Variants in SBF1 observed in about 807,000 individuals in gnomAD.
SBF1 encodes the protein myotubularin-related protein 5.
A neutral mutation model predicts 215.8 loss-of-function variants in SBF1; 65 were observed. The ratio of observed to expected loss-of-function variants is 0.30; its 90% CI spans 0.25 to 0.37. SBF1 has a LOEUF of 0.37. Ranked by LOEUF, SBF1 falls within the 10% of genes least tolerant of loss-of-function variation. SBF1 has a pLI of 1.00. For synonymous variants in SBF1, 1,410 were observed against 1,122.8 expected, an observed-to-expected ratio of 1.26 and a Z score of -5.11; for missense variants, 2,634 against 2,667.8, an observed-to-expected ratio of 0.99 and a Z score of 0.28.
chr22:50,456,758 G>A (rs2067269655), intron 29 of SBF1, 85 bp from the exon 30 acceptor site: 2 of 1,229,374 alleles, frequency 1.6e-6, no homozygotes, highest in African/African-American at 1.5e-5. Context: ...TCCAGGGAGG[G>A]GGCTGAGCTC....
At chr22:50,452,736 A>C (rs1045461508) in intron 36 of SBF1, among the ~76,000 whole-genome samples, 3 of 150,704 alleles carry the variant, frequency 2.0e-5, no homozygotes, top group Non-Finnish European at 4.4e-5. Flanking sequence ...AAAAAAAAAA[A>C]AAAAAAAAAA....
Position 50,448,329 on chromosome 22 carries a change from T to C in SBF1, c.5267A>G (p.Gln1756Arg), listed in dbSNP as rs2066914919. 6.2e-7 allele frequency: 1 copy of C among 1,613,808 alleles called. No homozygotes were observed. Among genetic ancestry groups the C allele is most frequent in the Non-Finnish European group, 8.5e-7 (1 of 1,180,032 alleles). ...STLSLSLDSDQSSGSTTSGSR... is the reference protein window; with the variant it reads ...STLSLSLDSDRSSGSTTSGSR... ...GCCGGATGTGGTTGAGCCACTACTC[T>C]GGTCGCTGTCCAGGCTGAGGCTCAG... The change falls in exon 38 of 41, where the codon CAG becomes CGG. Residue 1756 changes from glutamine to arginine, a missense_variant. Gln to Arg is a conservative substitution (Grantham distance 43). Coordinates refer to ENST00000380817, the MANE Select transcript of SBF1 (RefSeq NM_002972.4).
rs1265252405 is a variant in SBF1, at chr22:50,454,695, G to T, written c.4860C>A (p.Phe1620Leu). Residue 1620 changes from phenylalanine to leucine, a missense_variant, in exon 36 of 41, where the codon TTC becomes TTA. By Grantham distance (22) the Phe-to-Leu change is conservative. Coordinates refer to ENST00000380817, the MANE Select transcript of SBF1 (RefSeq NM_002972.4). ...CCTCGGCCAGCGTCTCCTCAGTGTA[G>T]AAGTCCCACACCTTCAGGTTGGACA... ...SNVSNLKVWD[F>L]YTEETLAEGP... is the part of the protein sequence containing the mutation. 2 of 1,570,286 alleles carry T rather than the reference G, an allele frequency of 1.3e-6. No individual in the cohort carries two copies. The highest frequency in any genetic ancestry group is 1.7e-6 in the Non-Finnish European group (2 of 1,159,686).
intron 36 of SBF1, 49 bp downstream of exon 36, chr22:50,454,463 C>T (rs372953489): frequency 3.8e-4 from 566 of 1,502,854 alleles, no homozygotes; most frequent in Non-Finnish European, 4.8e-4. Flanking sequence ...GGTGTCTGAG[C>T]GAGAGGAGGG....
chr22:50,474,952 C>G lies in SBF1; in HGVS notation c.-112G>C. The stretch of plus-strand genomic sequence containing the variant: ...GCCCTGGACCGCGCACCCCGGACAC[C>G]CCTGGTTCGCTCCGCGGCGGCGGCG... On this transcript the variant is annotated 5_prime_UTR_variant, in exon 1 of 41. Transcript: ENST00000380817. The G allele has an allele frequency of 1.5e-6, 1 of 684,264 alleles. No individual in the cohort carries two copies. Among genetic ancestry groups the G allele is most frequent in the South Asian group, 4.2e-5 (1 of 23,894 alleles). 42.4% of individuals were successfully genotyped at this position (684,264 alleles called of 1,614,324 possible). A position where few individuals can be genotyped will look rare whatever the true frequency, so the allele number is the denominator to read the frequency against.
intron 36 of SBF1, among the ~76,000 whole-genome samples, chr22:50,452,075 C>T (rs936805152): frequency 6.7e-6 from 1 of 149,334 alleles, no homozygotes. Flanking sequence ...GGATGACAGG[C>T]GTGAGCCGCT....
chr22:50,467,074 C>A lies in SBF1; in HGVS notation c.549+264G>T, dbSNP rs544443875. On this transcript the variant is annotated intron_variant, in intron 5 of 40. Coordinates refer to ENST00000380817, the MANE Select transcript of SBF1 (RefSeq NM_002972.4). ...ACCCAGGCACAGGGCAGGGAGCAGA[C>A]AAACAAGCTGACATCAACATCCAGA... is the stretch of plus-strand genomic sequence containing the variant. 1.2e-4 allele frequency: 72 copies of A among 587,776 alleles called. No individual in the cohort carries two copies. The African/African-American group carries it at 1.3e-3, about 10-fold the overall frequency. The allele number at this position is 587,776 out of a possible 1,614,324, so 36.4% of individuals were successfully genotyped here. A position where few individuals can be genotyped will look rare whatever the true frequency, so the allele number is the denominator to read the frequency against.
rs564904337 is a variant in SBF1 at position 50,448,672 on chromosome 22, A to G, written c.5044-22T>C. ...GCTCCTGGGGGAAGAATTAATGGCA[A>G]GTTTATTCAAAAGGAAATATCCAGA... On this transcript the variant is annotated intron_variant, in intron 36 of 40. Transcript: ENST00000380817. 135 of 1,562,656 alleles carry G rather than the reference A, an allele frequency of 8.6e-5. 1 individual carries two copies. The South Asian group carries it at 1.4e-3, about 17-fold the overall frequency.
chr22:50,450,869 A>C (rs2067017702), intron 36 of SBF1, among the ~76,000 whole-genome samples: 2 of 152,234 alleles, frequency 1.3e-5, no homozygotes, highest in Non-Finnish European at 2.9e-5. Flanking sequence ...GCACTTCGGG[A>C]GGCCGAGGAG....
At chr22:50,458,853 G>T (rs2067373607) in intron 28 of SBF1, among the ~76,000 whole-genome samples, 1 of 152,210 alleles carries the variant, frequency 6.6e-6, no homozygotes, top group African/African-American at 2.4e-5. Context: ...TGCAGGGAGG[G>T]TGGAGTGTGG....
chr22:50,472,997 C>A (rs1363805040), intron 1 of SBF1, among the ~76,000 whole-genome samples: 1 of 152,188 alleles, frequency 6.6e-6, no homozygotes, highest in East Asian at 1.9e-4. Context: ...GGGCTCCAGC[C>A]TTCTACCCTG....
At chr22:50,462,507 C>A (rs760701382) in intron 18 of SBF1, 34 bp from the exon 19 acceptor site, 1 of 1,611,462 alleles carries the variant, frequency 6.2e-7, no homozygotes, top group Non-Finnish European at 8.5e-7. Context: ...GCCGGGGCCA[C>A]GCTGCCCCAG....
At chr22:50,456,453 G>GGCCCCCCCCCCCCCCCCCC in intron 30 of SBF1, 39 bp downstream of exon 30, 6 of 1,520,006 alleles carry the variant, frequency 3.9e-6, no homozygotes, top group East Asian at 2.4e-5. Context: ...CCCCTGCCGA[G>GGCCCCCCCCCCCCCCCCCC]CCCCCACCCT....
chr22:50,463,218 G>T (rs568891802), intron 16 of SBF1, 65 bp downstream of exon 16: 1 of 1,590,262 alleles, frequency 6.3e-7, no homozygotes, highest in Non-Finnish European at 8.6e-7. Flanking sequence ...CACAGACCAG[G>T]GTCTGCCCGC....
chr22:50,464,562 C>T lies in SBF1; in HGVS notation c.1608G>A (p.Arg536=). The T allele has an allele frequency of 6.2e-7, 1 of 1,611,730 alleles. No homozygotes were observed. Among genetic ancestry groups the T allele is most frequent in the Non-Finnish European group, 8.5e-7 (1 of 1,179,344 alleles). The change falls in exon 14 of 41, where the codon AGG becomes AGA. Residue 536 remains arginine (R), a synonymous_variant. Coordinates refer to ENST00000380817, the MANE Select transcript of SBF1 (RefSeq NM_002972.4). ...GAPPAVKAER[R]TTVPSGPPMT... ...TGGGGGGCCCTGAGGGCACGGTGGT[C>T]CTCCTCTCGGCCTTCACAGCTGGGG... is the stretch of plus-strand genomic sequence containing the variant.
rs757020318 is a variant in SBF1 at position 50,466,258 on chromosome 22, G to A, written c.789C>T (p.Ser263=). Reference sequence around the variant, plus strand: ...CCGGCAGGATGGGCACATAGGTGAAGCTGTGCAGGCCCCAGAGGATGCAGT... The same window carrying A: ...CCGGCAGGATGGGCACATAGGTGAAACTGTGCAGGCCCCAGAGGATGCAGT... ...LLALLFPLRY[S]FTYVPILPAQ... is the part of the protein sequence containing the mutation. Residue 263 remains serine, a splice_region_variant and synonymous_variant, in exon 8 of 41, where the codon AGC becomes AGT. Coordinates refer to ENST00000380817, the MANE Select transcript of SBF1 (RefSeq NM_002972.4). 2.5e-6 allele frequency: 4 copies of A among 1,613,554 alleles called. No homozygotes were observed. The highest frequency in any genetic ancestry group is 3.4e-6 in the Non-Finnish European group (4 of 1,180,016).
At chr22:50,449,787 G>A (rs552147543) in intron 36 of SBF1, among the ~76,000 whole-genome samples, 8 of 152,260 alleles carry the variant, frequency 5.3e-5, no homozygotes, top group African/African-American at 1.7e-4. Context: ...AGAGAAACAC[G>A]AGGCCAACTG....
chr22:50,470,928 C>G (rs537834711), intron 1 of SBF1, among the ~76,000 whole-genome samples: 2 of 152,196 alleles, frequency 1.3e-5, no homozygotes, highest in Non-Finnish European at 2.9e-5. Flanking sequence ...GCCTGCACCT[C>G]AGCTCTGTGC....
chr22:50,468,578 G>A (rs530248079), intron 1 of SBF1, 117 bp from the exon 2 acceptor site: 3 of 669,018 alleles, frequency 4.5e-6, no homozygotes, highest in African/African-American at 3.8e-5. Context: ...CACCAGATCA[G>A]CCACAGCTCC....
Sources: allele counts gnomAD v4.1 joint callset (sites outside exome capture counted in the v4.1 genomes callset), GRCh38; gene constraint gnomAD v4.1.1; transcripts MANE v1.5; gene names NCBI Gene and HGNC (gene_info 2026-07-23, HGNC 2026-07-21).